Variants in BCL11A observed in about 807,000 individuals in gnomAD.
The protein encoded by BCL11A is B cell CLL/lymphoma 11A.
In BCL11A, 2 loss-of-function variants were observed where a neutral mutation model predicts 55.9. That is an observed-to-expected ratio of 0.04 (90% CI 0.01 to 0.11). BCL11A has a LOEUF of 0.11. Among genes scored for constraint, BCL11A ranks in the 10% least tolerant of loss-of-function variants. The probability of loss-of-function intolerance (pLI) is 1.00; values close to 1 mark genes in which losing one functional copy is unlikely to be tolerated. For synonymous variants in BCL11A, 465 were observed against 473.4 expected (o/e 0.98, Z 0.23); for missense variants, 817 against 1,137.1 (o/e 0.72, Z 4.05).
chr2:60,528,733 T>C (rs957509973), intron 2 of BCL11A, among the ~76,000 whole-genome samples: 2 of 152,162 alleles, frequency 1.3e-5, no homozygotes, highest in Admixed American at 6.5e-5. Flanking sequence ...TTTCCTCCTC[T>C]ACCAAATGAG....
intron 2 of BCL11A, among the ~76,000 whole-genome samples, chr2:60,507,207 A>AAAGGAAGGAAGGAAGG (rs745626068): frequency 1.1e-5 from 1 of 89,526 alleles, no homozygotes; most frequent in Non-Finnish European, 2.1e-5. Flanking sequence ...GACAAGGAAG[A>AAAGGAAGGAAGGAAGG]AAGGAAGGAA....
chr2:60,535,145 T>A (rs1348584198), intron 2 of BCL11A: 1 of 152,226 alleles, frequency 6.6e-6, no homozygotes, highest in Non-Finnish European at 1.5e-5. Context: ...TGAACTGAAG[T>A]CTGCCCACAC....
chr2:60,477,604 TAAAGAAAGAAAG>T (rs60443237), intron 2 of BCL11A, among the ~76,000 whole-genome samples: 1 of 150,512 alleles, frequency 6.6e-6, no homozygotes, highest in African/African-American at 2.4e-5. Context: ...GTAAAATAAA[TAAAGAAAGAAAG>T]AAAGAAAGAA....
intron 2 of BCL11A, chr2:60,534,653 G>A (rs574645751): frequency 3.9e-5 from 6 of 152,212 alleles, no homozygotes; most frequent in African/African-American, 7.2e-5. Flanking sequence ...AAAAGAAAAC[G>A]GATAAAACAT....
At chr2:60,538,531 C>T (rs1391104946) in intron 2 of BCL11A, 1 of 152,160 alleles carries the variant, frequency 6.6e-6, no homozygotes. Context: ...ACCACAACTG[C>T]TTCTGACAGC....
chr2:60,453,023 C>T (rs1430975802), downstream of BCL11A: 3 of 166,150 alleles, frequency 1.8e-5, no homozygotes, highest in Non-Finnish European at 3.9e-5. Flanking sequence ...TTGAGGAGAG[C>T]GGGAGAGGGA....
chr2:60,492,867 T>C (rs1057024019), intron 2 of BCL11A, among the ~76,000 whole-genome samples: 1 of 152,184 alleles, frequency 6.6e-6, no homozygotes, highest in South Asian at 2.1e-4. Context: ...TCATTTTAAG[T>C]GTACAGTTGG....
In BCL11A at chr2:60,461,079, C is replaced by A. The variant is rs772591460; in HGVS notation, c.1833G>T (p.Glu611Asp). 6.2e-7 allele frequency: 1 copy of A among 1,602,312 alleles called. No homozygotes were observed. The highest frequency in any genetic ancestry group is 2.2e-5 in the East Asian group (1 of 44,690). The change falls in exon 4 of 4, where the codon GAG becomes GAT. Residue 611 changes from glutamate (E) to aspartate (D), a missense_variant. Glu to Asp is a conservative substitution (Grantham distance 45). Around this residue, in one of 4 missense-constraint regions of BCL11A, gnomAD observed 379 missense variants for 425.3 expected, o/e 0.89. Coordinates refer to ENST00000642384, the MANE Select transcript of BCL11A (RefSeq NM_022893.4). ...TTTTGGACAGGCCCCCCGAGGCCGA[C>A]TCGCCCGGGGAGCAGCCGCGGCCAT... Reference protein sequence around the residue: ...TVNGRGCSPGESASGGLSKKL... With the variant: ...TVNGRGCSPGDSASGGLSKKL...
At position 60,462,015 on chromosome 2, in the gene BCL11A, C is replaced by A; in HGVS notation, c.897G>T (p.Arg299Ser). 1 of 1,612,854 alleles carries A rather than the reference C, an allele frequency of 6.2e-7. No individual in the cohort carries two copies. The highest frequency in any genetic ancestry group is 8.5e-7 in the Non-Finnish European group (1 of 1,179,710). ...TAGCCATTGGATTCAACCGCAGCAC[C>A]CTGTCAAAGGCACTCGGGTGATGGG... ...LATHHPSAFD[R>S]VLRLNPMAME... Residue 299 changes from arginine to serine, a missense_variant, in exon 4 of 4, where the codon AGG becomes AGT. By Grantham distance (110) the Arg-to-Ser change is moderately radical (BLOSUM62 -1). Coordinates refer to ENST00000642384, the MANE Select transcript of BCL11A (RefSeq NM_022893.4).
intron 2 of BCL11A, among the ~76,000 whole-genome samples, chr2:60,516,839 T>C (rs1166995101): frequency 6.6e-6 from 1 of 152,194 alleles, no homozygotes; most frequent in Non-Finnish European, 1.5e-5. Flanking sequence ...TATCTTGCCA[T>C]TGGACTCTGT....
intron 2 of BCL11A, among the ~76,000 whole-genome samples, chr2:60,484,961 CT>C (rs1451877418): frequency 9.6e-4 from 125 of 129,584 alleles, no homozygotes; most frequent in African/African-American, 3.5e-3. Flanking sequence ...TTGTTTAGGA[CT>C]TAAAAAAAAA....
intron 2 of BCL11A, among the ~76,000 whole-genome samples, chr2:60,528,770 G>A (rs1669318947): frequency 6.6e-6 from 1 of 152,218 alleles, no homozygotes; most frequent in Non-Finnish European, 1.5e-5. Flanking sequence ...CCTTTCCGAG[G>A]TTGTTGTGGG....
chr2:60,474,931 G>T (rs1558626818), intron 2 of BCL11A, among the ~76,000 whole-genome samples: 1 of 152,186 alleles, frequency 6.6e-6, no homozygotes, highest in Non-Finnish European at 1.5e-5. Flanking sequence ...TCATGAGAGA[G>T]GTACAGATGA....
chr2:60,461,625 G>A lies in BCL11A; in HGVS notation c.1287C>T (p.His429=). The A allele has an allele frequency of 1.2e-6, 2 of 1,613,772 alleles. No individual in the cohort carries two copies. Among genetic ancestry groups the A allele is most frequent in the Non-Finnish European group, 1.7e-6 (2 of 1,180,036 alleles). Residue 429 remains histidine (H), a synonymous_variant, in exon 4 of 4, where the codon CAC becomes CAT. Coordinates refer to ENST00000642384, the MANE Select transcript of BCL11A (RefSeq NM_022893.4). ...KLKRHMKTHM[H]KSSPMTVKSD... ...ACTTGACCGTCATGGGGGACGATTT[G>A]TGCATGTGCGTCTTCATGTGGCGCT...
At position 60,457,683 on chromosome 2, in the gene BCL11A, T is replaced by C. The variant is rs1443650245; in HGVS notation, c.*2721A>G. 9 of 1,035,760 alleles carry C rather than the reference T, an allele frequency of 8.7e-6. No homozygotes were observed. Among genetic ancestry groups the C allele is most frequent in the African/African-American group, 1.7e-5 (1 of 59,378 alleles). 64.2% of individuals were successfully genotyped at this position (1,035,760 alleles called of 1,614,324 possible). On this transcript the variant is annotated 3_prime_UTR_variant, in exon 4 of 4. Coordinates refer to ENST00000642384, the MANE Select transcript of BCL11A (RefSeq NM_022893.4). Reference sequence around the variant, plus strand: ...TGCAAAACATTGGTTTTTTTTTTTTTTTCCTTTTTTTTTCTTTCTTTCTTT... The same window carrying C: ...TGCAAAACATTGGTTTTTTTTTTTTCTTCCTTTTTTTTTCTTTCTTTCTTT...
intron 2 of BCL11A, among the ~76,000 whole-genome samples, chr2:60,531,075 C>T (rs955432105): frequency 1.8e-4 from 27 of 152,090 alleles, no homozygotes; most frequent in African/African-American, 6.5e-4. Flanking sequence ...CCTCTTGCCA[C>T]TAACCTCTTT....
At chr2:60,498,067 T>C (rs1679054675) in intron 2 of BCL11A, among the ~76,000 whole-genome samples, 2 of 151,812 alleles carry the variant, frequency 1.3e-5, no homozygotes, top group Admixed American at 6.6e-5. Flanking sequence ...AGGGGTCTTC[T>C]CTTTGGGGGA....
At chr2:60,497,794 C>T (rs756901047) in intron 2 of BCL11A, among the ~76,000 whole-genome samples, 5 of 152,140 alleles carry the variant, frequency 3.3e-5, no homozygotes, top group Non-Finnish European at 7.4e-5. Context: ...ACTCAGTGGC[C>T]TCTTTTGTCT....
At position 60,548,266 on chromosome 2, in the gene BCL11A, T is replaced by C. The variant is rs189122796; in HGVS notation, c.56-1966A>G. Among the ~76,000 whole-genome samples the C allele has an allele frequency of 5.8e-3, 882 of 151,474 alleles. 2 individuals are homozygous for C. The highest frequency in any genetic ancestry group is 6.4e-3 in the Non-Finnish European group (436 of 67,862). ...AAGGAAGACTTAGGAAAATATTTTA[T>C]CAAACTTACTAGTACATAGAACCTT... On this transcript the variant is annotated intron_variant, in intron 1 of 3. Transcript: ENST00000642384.
Sources: allele counts gnomAD v4.1 joint callset (sites outside exome capture counted in the v4.1 genomes callset), GRCh38; gene constraint gnomAD v4.1.1; regional missense constraint gnomAD v4.1.1; transcripts MANE v1.5; gene names NCBI Gene and HGNC (gene_info 2026-07-23, HGNC 2026-07-21).